DDAH1: variants seen among roughly 807,000 people sequenced by gnomAD.
DDAH1 encodes dimethylarginine dimethylaminohydrolase 1.
DDAH1 carries 19 observed loss-of-function variants against 28.8 expected under a neutral mutation model. The ratio of observed to expected loss-of-function variants is 0.66; its 90% CI spans 0.46 to 0.97. The LOEUF (loss-of-function observed/expected upper bound fraction) is 0.97, where lower values mean the gene tolerates loss of function less well. Ranked by LOEUF, DDAH1 falls within the 50% of genes least tolerant of loss-of-function variation. The pLI, the probability that DDAH1 is intolerant of heterozygous loss-of-function variation, is 0.00. For synonymous variants in DDAH1, 153 were observed against 154.4 expected (o/e 0.99, Z 0.07); for missense variants, 326 against 375.9 (o/e 0.87, Z 1.10).
intron 1 of DDAH1, among the ~76,000 whole-genome samples, chr1:85,369,185 T>C (rs1352254843): frequency 1.3e-5 from 2 of 150,152 alleles, no homozygotes; most frequent in African/African-American, 2.4e-5. Context: ...CTCAGCCTCC[T>C]GAGTAGCTGG....
intron 1 of DDAH1, among the ~76,000 whole-genome samples, chr1:85,383,086 T>G (rs1651076586): frequency 6.6e-6 from 1 of 152,194 alleles, no homozygotes. Flanking sequence ...CAAGTCTTAT[T>G]ATTGAAGAAA....
At chr1:85,565,145 T>C (rs1659259014) in intron 1 of DDAH1, among the ~76,000 whole-genome samples, 1 of 151,948 alleles carries the variant, frequency 6.6e-6, no homozygotes, top group Non-Finnish European at 1.5e-5. Context: ...GAGTTTGCAG[T>C]GAGCCGAGAT....
intron 1 of DDAH1, among the ~76,000 whole-genome samples, chr1:85,568,227 A>G (rs1408895147): frequency 6.6e-6 from 1 of 152,226 alleles, no homozygotes; most frequent in Non-Finnish European, 1.5e-5. Flanking sequence ...AATGTTTTCA[A>G]CCAGTGACCT....
At chr1:85,379,712 A>C in intron 1 of DDAH1, 1 of 985,250 alleles carries the variant, frequency 1.0e-6, no homozygotes, top group Non-Finnish European at 1.2e-6. Flanking sequence ...AACTGAACTT[A>C]TCTATTTCCC....
Position 85,321,404 on chromosome 1 carries a change from C to T in DDAH1, c.*48G>A, listed in dbSNP as rs376108439. 6.8e-5 allele frequency: 82 copies of T among 1,205,386 alleles called. No individual in the cohort carries two copies. Among genetic ancestry groups the T allele is most frequent in the African/African-American group, 5.7e-4 (38 of 66,856 alleles). The allele number at this position is 1,205,386 out of a possible 1,614,324, so 74.7% of individuals were successfully genotyped here. A position where few individuals can be genotyped will look rare whatever the true frequency, so the allele number is the denominator to read the frequency against. On this transcript the variant is annotated 3_prime_UTR_variant, in exon 6 of 6. Transcript: ENST00000284031. ...ACAACAGGAGTGGGCACAGAGTCAT[C>T]GGCCTTGCCTGTGCGGTCTTGCCGG...
chr1:85,415,397 G>A lies in DDAH1; in HGVS notation c.303+49346C>T, dbSNP rs539225241. ...AGTACTTACTATAGCTTAAAATCTT[G>A]TACACTTTACAAGCCAGCTCTACTT... On this transcript the variant is annotated intron_variant, in intron 1 of 5. Transcript: ENST00000284031. Among the ~76,000 whole-genome samples the A allele has an allele frequency of 7.0e-3, 1,062 of 152,210 alleles. 11 individuals carry two copies. The highest frequency in any genetic ancestry group is 0.024 in the African/African-American group (1,012 of 41,524).
At chr1:85,364,438 C>T (rs1430234296) in intron 1 of DDAH1, among the ~76,000 whole-genome samples, 1 of 152,000 alleles carries the variant, frequency 6.6e-6, no homozygotes, top group Non-Finnish European at 1.5e-5. Flanking sequence ...TAAACCACAC[C>T]AACCTGTTTC....
chr1:85,479,159 C>CT (rs35629726), intron 2 of DDAH1, among the ~76,000 whole-genome samples: 1,590 of 78,268 alleles, frequency 0.02, 46 homozygotes, highest in Middle Eastern at 0.056. Context: ...TTCTGTTTTT[C>CT]TTTTTTTTTT....
At chr1:85,523,636 A>G (rs2100765305) in intron 1 of DDAH1, among the ~76,000 whole-genome samples, 1 of 152,218 alleles carries the variant, frequency 6.6e-6, no homozygotes, top group Non-Finnish European at 1.5e-5. Context: ...CATCTTTAAA[A>G]TAGATTGCAG....
At chr1:85,342,130 G>A (rs1353448833) in intron 4 of DDAH1, among the ~76,000 whole-genome samples, 1 of 152,148 alleles carries the variant, frequency 6.6e-6, no homozygotes, top group East Asian at 1.9e-4. Context: ...TAGGAGATAG[G>A]GGTCACATAG....
chr1:85,465,039 C>T lies in DDAH1; in HGVS notation c.7G>A (p.Gly3Arg). The T allele has an allele frequency of 1.5e-6, 2 of 1,310,886 alleles. No homozygotes were observed. Among genetic ancestry groups the T allele is most frequent in the Non-Finnish European group, 1.9e-6 (2 of 1,033,022 alleles). 81.2% of individuals were successfully genotyped at this position (1,310,886 alleles called of 1,614,324 possible). Residue 3 changes from glycine (G) to arginine (R), a missense_variant, in exon 1 of 6, where the codon GGG (glycine) becomes AGG (arginine). Coordinates refer to ENST00000284031, the MANE Select transcript of DDAH1 (RefSeq NM_012137.4). The part of the protein sequence containing the change: MA[G>R]LGHPAAFGRA... ...CCGAAGGCGGCGGGGTGGCCGAGCC[C>T]GGCCATGGCTTCGGGAGGCTTAGGG...
chr1:85,430,592 T>C (rs558355336), intron 1 of DDAH1, among the ~76,000 whole-genome samples: 10 of 152,210 alleles, frequency 6.6e-5, no homozygotes, highest in Non-Finnish European at 1.3e-4. Flanking sequence ...TGGTTTGTAG[T>C]TCTCCTTGAA....
At chr1:85,476,919 G>C (rs1490894990) in intron 2 of DDAH1, among the ~76,000 whole-genome samples, 2 of 152,164 alleles carry the variant, frequency 1.3e-5, no homozygotes, top group African/African-American at 4.8e-5. Flanking sequence ...CTGACTAGTA[G>C]TAGGTGCTAA....
intron 1 of DDAH1, among the ~76,000 whole-genome samples, chr1:85,544,932 C>A (rs1286796392): frequency 6.6e-6 from 1 of 152,158 alleles, no homozygotes; most frequent in Non-Finnish European, 1.5e-5. Context: ...CAGTGGGGTT[C>A]ATTTTCTAAC....
chr1:85,495,923 A>G (rs1656572522), intron 2 of DDAH1: 1 of 152,234 alleles, frequency 6.6e-6, no homozygotes, highest in African/African-American at 2.4e-5. Context: ...ATAAAGGAAA[A>G]ACAAGATCAG....
chr1:85,486,960 T>A (rs1656227334), intron 2 of DDAH1, among the ~76,000 whole-genome samples: 2 of 152,186 alleles, frequency 1.3e-5, no homozygotes, highest in South Asian at 4.1e-4. Flanking sequence ...AGAGAAGAAT[T>A]CTTTGATAGA....
chr1:85,571,992 G>A (rs1659470665), intron 1 of DDAH1, among the ~76,000 whole-genome samples: 1 of 152,114 alleles, frequency 6.6e-6, no homozygotes, highest in African/African-American at 2.4e-5. Context: ...GGGGCCTGGA[G>A]GGCTCCGTGC....
chr1:85,509,777 C>A (rs971304832), intron 1 of DDAH1, among the ~76,000 whole-genome samples: 1 of 152,054 alleles, frequency 6.6e-6, no homozygotes, highest in East Asian at 1.9e-4. Context: ...ATTGAGACGA[C>A]AAGGTTAGAG....
At position 85,498,735 on chromosome 1, in the gene DDAH1, G is replaced by A. The variant is rs57927280; in HGVS notation, c.-122-2454C>T. ...GGAGTTTGAGACTAGCCTGGACAAC[G>A]TGGTGAAACCCTGTCTCTACCAAAA... On this transcript the variant is annotated intron_variant, in intron 1 of 6. Transcript: ENST00000426972. Among the ~76,000 whole-genome samples the A allele has an allele frequency of 5.4e-3, 824 of 152,100 alleles. 9 individuals are homozygous for A. Among genetic ancestry groups the A allele is most frequent in the African/African-American group, 0.019 (795 of 41,498 alleles).
Sources: gnomAD v4.1 joint callset for allele counts (sites outside exome capture counted in the v4.1 genomes callset) on GRCh38, gnomAD v4.1.1 for gene constraint, MANE v1.5 for transcripts, NCBI Gene and HGNC (gene_info 2026-07-23, HGNC 2026-07-21) for gene names.